IL1RAPL1: variants seen among roughly 807,000 people sequenced by gnomAD.
IL1RAPL1 encodes interleukin 1 receptor accessory protein like 1, also known as interleukin-1 receptor accessory protein-like 1.
In IL1RAPL1, 3 loss-of-function variants were observed where a neutral mutation model predicts 48.4. The observed-to-expected ratio is 0.06, with a 90% confidence interval of 0.03 to 0.16. The LOEUF (loss-of-function observed/expected upper bound fraction) is 0.16, where lower values mean the gene tolerates loss of function less well. Among genes scored for constraint, IL1RAPL1 ranks in the 10% least tolerant of loss-of-function variants. The probability of loss-of-function intolerance (pLI) is 1.00; values close to 1 mark genes in which losing one functional copy is unlikely to be tolerated. For missense variants in IL1RAPL1, 349 were observed against 530.6 expected (o/e 0.66, Z 3.36); for synonymous variants, 185 against 187.7 (o/e 0.99, Z 0.12).
intron 1 of IL1RAPL1, among the ~76,000 whole-genome samples, chrX:28,687,027 T>A (rs6628374): frequency 0.061 from 6,866 of 111,885 alleles, 415 homozygotes; most frequent in East Asian, 0.33. Flanking sequence ...TGTATGTTTA[T>A]TTTAGGTAAT....
chrX:28,755,759 T>C (rs1312511784), intron 1 of IL1RAPL1, among the ~76,000 whole-genome samples: 4 of 112,382 alleles, frequency 3.6e-5, no homozygotes, highest in Non-Finnish European at 7.5e-5. Flanking sequence ...CCAAATTTTC[T>C]TTTCTTGCAT....
At chrX:29,686,663 G>A (rs6630933) in intron 6 of IL1RAPL1, among the ~76,000 whole-genome samples, 43,477 of 107,437 alleles carry the variant, frequency 0.4, 6,612 homozygotes, top group South Asian at 0.52. Flanking sequence ...GTTCACGCCA[G>A]TCTCCTGCCT....
At chrX:28,851,103 C>CAG (rs1359572449) in intron 2 of IL1RAPL1, among the ~76,000 whole-genome samples, 2 of 104,437 alleles carry the variant, frequency 1.9e-5, no homozygotes, top group Non-Finnish European at 3.9e-5. Context: ...AATTTTGTAA[C>CAG]AGAGGCTCAG....
At chrX:29,699,851 A>G (rs900493487) in intron 6 of IL1RAPL1, among the ~76,000 whole-genome samples, 1 of 112,618 alleles carries the variant, frequency 8.9e-6, no homozygotes, top group Non-Finnish European at 1.9e-5. Flanking sequence ...TAAAAGGAGA[A>G]TACTGACAGT....
chrX:29,793,997 A>G (rs1929690612), intron 6 of IL1RAPL1, among the ~76,000 whole-genome samples: 1 of 112,057 alleles, frequency 8.9e-6, no homozygotes, highest in Non-Finnish European at 1.9e-5. Flanking sequence ...GTGTGTGTGT[A>G]TTTTGATGAT....
intron 2 of IL1RAPL1, among the ~76,000 whole-genome samples, chrX:28,960,300 G>A: frequency 9.0e-6 from 1 of 111,219 alleles, no homozygotes; most frequent in East Asian, 2.8e-4. Flanking sequence ...TAGGAAAAGG[G>A]GGTTTAGCAT....
chrX:29,951,658 A>T (rs939203360), intron 9 of IL1RAPL1, among the ~76,000 whole-genome samples: 1 of 112,211 alleles, frequency 8.9e-6, no homozygotes, highest in African/African-American at 3.2e-5. Context: ...TGGAACGCGC[A>T]TCTGAAGTTT....
chrX:29,487,515 T>C (rs1484807666), intron 5 of IL1RAPL1, among the ~76,000 whole-genome samples: 3 of 111,962 alleles, frequency 2.7e-5, no homozygotes, highest in Non-Finnish European at 5.6e-5. Flanking sequence ...GTGCATGCTA[T>C]TGATTAATGT....
chrX:29,095,965 C>A (rs939739370), intron 2 of IL1RAPL1, among the ~76,000 whole-genome samples: 3 of 111,286 alleles, frequency 2.7e-5, no homozygotes, highest in Non-Finnish European at 3.8e-5. Flanking sequence ...GCCTCACATG[C>A]CTTGCTCATA....
chrX:28,868,393 T>A (rs1042493598), intron 2 of IL1RAPL1, among the ~76,000 whole-genome samples: 1 of 110,022 alleles, frequency 9.1e-6, no homozygotes, highest in Non-Finnish European at 1.9e-5. Context: ...TACTCACATT[T>A]AGTTTATACT....
rs772259722 is a variant in IL1RAPL1 at position 29,566,574 on chromosome X, C to G, written c.704-101856C>G. ...CCAGTGTAGACGAGGAGTGGATCATCAAAGGAGGTGAGGATAGAAGAGAGC... is the reference window on the plus strand; with the variant it reads ...CCAGTGTAGACGAGGAGTGGATCATGAAAGGAGGTGAGGATAGAAGAGAGC... On this transcript the variant is annotated intron_variant, in intron 5 of 10. Transcript: ENST00000378993. 9.8e-4 allele frequency among the ~76,000 whole-genome samples: 98 copies of G among 100,169 alleles called. 1 individual carries two copies. The highest frequency in any genetic ancestry group is 3.4e-3 in the African/African-American group (93 of 27,421). The allele number at this position is 100,169 out of a possible 115,157, so 87.0% of individuals were successfully genotyped here.
At chrX:29,712,260 G>C (rs1927372389) in intron 6 of IL1RAPL1, among the ~76,000 whole-genome samples, 1 of 109,368 alleles carries the variant, frequency 9.1e-6, no homozygotes, top group African/African-American at 3.3e-5. Flanking sequence ...TGACGACTAA[G>C]GTGATATCAG....
chrX:29,735,956 A>G (rs1317813837), intron 6 of IL1RAPL1, among the ~76,000 whole-genome samples: 1 of 112,417 alleles, frequency 8.9e-6, no homozygotes, highest in African/African-American at 3.2e-5. Flanking sequence ...AAGACATGGA[A>G]GACAGAATAG....
chrX:29,247,020 G>T (rs1931526451), intron 2 of IL1RAPL1, among the ~76,000 whole-genome samples: 1 of 112,260 alleles, frequency 8.9e-6, no homozygotes, highest in African/African-American at 3.2e-5. Flanking sequence ...AAAATAGTTT[G>T]TTAGGGGAAA....
At chrX:29,604,825 A>G (rs1028516641) in intron 5 of IL1RAPL1, among the ~76,000 whole-genome samples, 1 of 110,742 alleles carries the variant, frequency 9.0e-6, no homozygotes, top group Non-Finnish European at 1.9e-5. Flanking sequence ...GTTGCCTATC[A>G]TATTTCCCAG....
At chrX:28,878,282 A>G (rs1922422770) in intron 2 of IL1RAPL1, among the ~76,000 whole-genome samples, 1 of 111,829 alleles carries the variant, frequency 8.9e-6, no homozygotes, top group African/African-American at 3.3e-5. Flanking sequence ...CAAATATGTC[A>G]CTGATATTTT....
intron 2 of IL1RAPL1, among the ~76,000 whole-genome samples, chrX:28,907,043 C>A (rs1923236406): frequency 9.1e-6 from 1 of 109,913 alleles, no homozygotes; most frequent in Admixed American, 9.7e-5. Flanking sequence ...TTTTTTTTAA[C>A]CATTAAGTGT....
At chrX:28,690,398 G>A (rs759964926) in intron 1 of IL1RAPL1, among the ~76,000 whole-genome samples, 36 of 111,558 alleles carry the variant, frequency 3.2e-4, no homozygotes, top group Non-Finnish European at 5.6e-4. Context: ...GTATTGAAAT[G>A]TTAATGTGGT....
At chrX:28,792,057 G>A (rs922182197) in intron 2 of IL1RAPL1, among the ~76,000 whole-genome samples, 1 of 111,735 alleles carries the variant, frequency 8.9e-6, no homozygotes, top group African/African-American at 3.3e-5. Flanking sequence ...TTGATTTTAC[G>A]TATTAACCAA....
Sources: gnomAD v4.1 joint callset for allele counts (sites outside exome capture counted in the v4.1 genomes callset) on GRCh38, gnomAD v4.1.1 for gene constraint, MANE v1.5 for transcripts, NCBI Gene and HGNC (gene_info 2026-07-23, HGNC 2026-07-21) for gene names.